Variants in RBMS3 observed in about 807,000 individuals in gnomAD.
RBMS3 encodes RNA binding motif single stranded interacting protein 3, also known as RNA-binding motif, single-stranded-interacting protein 3.
A neutral mutation model predicts 66.8 loss-of-function variants in RBMS3; 27 were observed. The ratio of observed to expected loss-of-function variants is 0.40; its 90% CI spans 0.30 to 0.56. The LOEUF (loss-of-function observed/expected upper bound fraction) is 0.56, where lower values mean the gene tolerates loss of function less well. Ranked by LOEUF, RBMS3 falls within the 20% of genes least tolerant of loss-of-function variation. The pLI, the probability that RBMS3 is intolerant of heterozygous loss-of-function variation, is 0.40. For synonymous variants in RBMS3, 188 were observed against 183.0 expected (o/e 1.03, Z -0.22); for missense variants, 513 against 549.5 (o/e 0.93, Z 0.66).
In RBMS3 at chr3:29,924,428, A is replaced by G. The variant is rs187345583; in HGVS notation, c.940-11658A>G. On this transcript the variant is annotated intron_variant, in intron 10 of 14. Coordinates refer to ENST00000383767, the MANE Select transcript of RBMS3 (RefSeq NM_001003793.3). ...ATTCTACATTGAAGAGGTAGGATTC[A>G]CACTGGGGGAAACTAATGACATCTG... Among the ~76,000 whole-genome samples, 83 of 152,016 alleles carry G rather than the reference A, an allele frequency of 5.5e-4. 6 individuals carry two copies. The East Asian group carries it at 8.1e-3, about 15-fold the overall frequency.
intron 7 of RBMS3, among the ~76,000 whole-genome samples, chr3:29,883,581 G>A (rs938725072): frequency 1.3e-5 from 2 of 151,834 alleles, no homozygotes; most frequent in African/African-American, 4.8e-5. Context: ...CTCCTTATTA[G>A]CCATGTGTTC....
chr3:29,975,042 A>G lies in RBMS3; in HGVS notation c.1099-13101A>G, dbSNP rs1331537260. Among the ~76,000 whole-genome samples the G allele has an allele frequency of 1.8e-5, 2 of 108,810 alleles. 1 individual carries two copies. Among genetic ancestry groups the G allele is most frequent in the African/African-American group, 7.6e-5 (2 of 26,454 alleles). 71.4% of individuals were successfully genotyped at this position (108,810 alleles called of 152,430 possible). ...ATAAAATACGTTTCTATATTTATAT[A>G]TTTTATATATAAAATATGTTTCTAT... On this transcript the variant is annotated intron_variant, in intron 12 of 14. Coordinates refer to ENST00000383767, the MANE Select transcript of RBMS3 (RefSeq NM_001003793.3).
intron 12 of RBMS3, among the ~76,000 whole-genome samples, chr3:29,957,159 G>C (rs1282449735): frequency 6.6e-6 from 1 of 152,132 alleles, no homozygotes; most frequent in East Asian, 1.9e-4. Context: ...TTAGGTGTCT[G>C]GGAATACCTT....
chr3:29,911,738 AAAGT>A (rs564329675), intron 10 of RBMS3, among the ~76,000 whole-genome samples: 7 of 152,172 alleles, frequency 4.6e-5, no homozygotes, highest in African/African-American at 1.7e-4. Flanking sequence ...TTCAAACAAT[AAAGT>A]AAGATGATAG....
intron 6 of RBMS3, chr3:29,767,656 T>C (rs1412384279): frequency 6.6e-6 from 1 of 151,998 alleles, no homozygotes; most frequent in Non-Finnish European, 1.5e-5. Flanking sequence ...ATATGAATAC[T>C]TTATGGGAGC....
chr3:29,415,269 G>A (rs777163290), intron 1 of RBMS3, among the ~76,000 whole-genome samples: 1 of 152,162 alleles, frequency 6.6e-6, no homozygotes, highest in Non-Finnish European at 1.5e-5. Flanking sequence ...TGAGTAATAG[G>A]TACTCAGGCG....
At chr3:29,777,535 C>T (rs749753858) in intron 6 of RBMS3, among the ~76,000 whole-genome samples, 7 of 151,858 alleles carry the variant, frequency 4.6e-5, no homozygotes, top group Non-Finnish European at 1.0e-4. Context: ...TGACATAATA[C>T]TTTTTTTGGT....
intron 4 of RBMS3, among the ~76,000 whole-genome samples, chr3:29,638,331 A>G (rs749507266): frequency 2.6e-5 from 4 of 151,802 alleles, no homozygotes; most frequent in Non-Finnish European, 5.9e-5. Context: ...TTGAATTTCA[A>G]TCCATGTCAA....
At chr3:29,554,227 T>C (rs980475893) in intron 3 of RBMS3, among the ~76,000 whole-genome samples, 7 of 152,224 alleles carry the variant, frequency 4.6e-5, no homozygotes, top group African/African-American at 1.7e-4. Context: ...TGACTAATTT[T>C]TACAATAGTA....
At chr3:29,338,567 A>G (rs1193617390) in intron 1 of RBMS3, among the ~76,000 whole-genome samples, 1 of 152,122 alleles carries the variant, frequency 6.6e-6, no homozygotes, top group Non-Finnish European at 1.5e-5. Flanking sequence ...GGTGGAGTCC[A>G]GCAATCTGTA....
intron 1 of RBMS3, among the ~76,000 whole-genome samples, chr3:29,335,985 C>T (rs966489064): frequency 3.3e-5 from 5 of 151,962 alleles, no homozygotes; most frequent in Non-Finnish European, 4.4e-5. Context: ...CTGGGCCTGG[C>T]GTACCTTAAT....
chr3:29,759,404 T>G (rs1223195085), intron 5 of RBMS3, among the ~76,000 whole-genome samples: 1 of 152,160 alleles, frequency 6.6e-6, no homozygotes, highest in Admixed American at 6.6e-5. Flanking sequence ...AATTAATGTA[T>G]TGTCAGGTGA....
chr3:29,628,490 T>C (rs2049152380), intron 4 of RBMS3, among the ~76,000 whole-genome samples: 1 of 152,154 alleles, frequency 6.6e-6, no homozygotes, highest in African/African-American at 2.4e-5. Context: ...CCAACTCTTA[T>C]GACTACAGAA....
At chr3:29,526,197 T>A (rs967059330) in intron 3 of RBMS3, 3 of 152,030 alleles carry the variant, frequency 2.0e-5, no homozygotes, top group Admixed American at 6.6e-5. Flanking sequence ...TTTAATAAGA[T>A]CCCTTCTTGT....
At chr3:29,409,450 T>C (rs938125971) in intron 1 of RBMS3, among the ~76,000 whole-genome samples, 6 of 152,240 alleles carry the variant, frequency 3.9e-5, no homozygotes, top group Admixed American at 2.0e-4. Context: ...ACAGTCTTCA[T>C]TGCAGTAAGT....
At chr3:29,505,111 A>T (rs1207000834) in intron 3 of RBMS3, among the ~76,000 whole-genome samples, 1 of 151,902 alleles carries the variant, frequency 6.6e-6, no homozygotes, top group Non-Finnish European at 1.5e-5. Context: ...TTTTAGTGTC[A>T]TGTCCAATAA....
intron 2 of RBMS3, among the ~76,000 whole-genome samples, chr3:29,451,801 A>G (rs1195598107): frequency 6.6e-6 from 1 of 152,210 alleles, no homozygotes; most frequent in Non-Finnish European, 1.5e-5. Context: ...CAGCTTAGAT[A>G]GTAAATATGC....
chr3:29,736,947 A>G (rs972027873), intron 4 of RBMS3, among the ~76,000 whole-genome samples: 1 of 152,130 alleles, frequency 6.6e-6, no homozygotes, highest in African/African-American at 2.4e-5. Flanking sequence ...ATTTATGGCA[A>G]GTAATACTGG....
At chr3:29,415,762 T>A (rs1371170814) in intron 1 of RBMS3, among the ~76,000 whole-genome samples, 1 of 148,104 alleles carries the variant, frequency 6.8e-6, no homozygotes, top group East Asian at 2.0e-4. Context: ...TAAGACTCAG[T>A]CATGACAATG....
Sources: allele counts gnomAD v4.1 joint callset (sites outside exome capture counted in the v4.1 genomes callset), GRCh38; gene constraint gnomAD v4.1.1; transcripts MANE v1.5; gene names NCBI Gene and HGNC (gene_info 2026-07-23, HGNC 2026-07-21).